The following R3HCC1L variants were observed in gnomAD, a reference collection of about 807,000 sequenced individuals.
The protein encoded by R3HCC1L is coiled-coil domain-containing protein R3HCC1L.
R3HCC1L carries 51 observed loss-of-function variants against 59.9 expected under a neutral mutation model. That is an observed-to-expected ratio of 0.85 (90% CI 0.68 to 1.07). The LOEUF is 1.07. Among genes scored for constraint, R3HCC1L ranks in the 50% least tolerant of loss-of-function variants. R3HCC1L has a pLI of 0.00. For missense variants in R3HCC1L, 965 were observed against 933.0 expected, an observed-to-expected ratio of 1.03 and a Z score of -0.45; for synonymous variants, 322 against 315.2, an observed-to-expected ratio of 1.02 and a Z score of -0.23.
intron 4 of R3HCC1L, among the ~76,000 whole-genome samples, chr10:98,168,724 C>T (rs1340168817): frequency 6.6e-6 from 1 of 152,068 alleles, no homozygotes; most frequent in African/African-American, 2.4e-5. Context: ...CTGAAAATAC[C>T]ATCTGCAGTT....
rs761063877 is a variant in R3HCC1L at position 98,231,687 on chromosome 10, A to G, written c.1961A>G (p.Gln654Arg). The stretch of plus-strand genomic sequence containing the variant: ...CTTCTACGGGTTTTCTGCAGTTATC[A>G]GTGAGTATGCAAATGATTGTGGATG... ...EDLLRVFCSYQKKGFDIKWVD... is the reference protein window; with the variant it reads ...EDLLRVFCSYRKKGFDIKWVD... Residue 654 changes from glutamine to arginine, a missense_variant and splice_region_variant, in exon 6 of 10, where the codon CAA (glutamine) becomes CGA (arginine). By Grantham distance (43) the Gln-to-Arg change is conservative. Coordinates refer to ENST00000298999, the MANE Select transcript of R3HCC1L (RefSeq NM_001351015.2). 6.2e-7 allele frequency: 1 copy of G among 1,604,186 alleles called. No homozygotes were observed. Among genetic ancestry groups the G allele is most frequent in the South Asian group, 1.1e-5 (1 of 89,848 alleles).
chr10:98,222,729 A>G (rs1317624714), intron 5 of R3HCC1L, among the ~76,000 whole-genome samples: 1 of 152,164 alleles, frequency 6.6e-6, no homozygotes, highest in Non-Finnish European at 1.5e-5. Context: ...AAAACCCTTC[A>G]AAAAATTAAT....
At chr10:98,241,481 C>T (rs1215470400) in intron 9 of R3HCC1L, among the ~76,000 whole-genome samples, 1 of 152,078 alleles carries the variant, frequency 6.6e-6, no homozygotes, top group Admixed American at 6.6e-5. Flanking sequence ...GTTTTCAGGG[C>T]CAGCCAATGT....
At chr10:98,167,192 G>A (rs946522363) in intron 4 of R3HCC1L, among the ~76,000 whole-genome samples, 1 of 151,988 alleles carries the variant, frequency 6.6e-6, no homozygotes, top group Non-Finnish European at 1.5e-5. Context: ...CTGTAGCCCT[G>A]TGTACAGGCA....
chr10:98,211,009 G>T (rs1362339762), intron 5 of R3HCC1L, among the ~76,000 whole-genome samples: 2 of 152,144 alleles, frequency 1.3e-5, no homozygotes, highest in Non-Finnish European at 2.9e-5. Flanking sequence ...TGCACAGAAA[G>T]AATTTCCCTG....
chr10:98,189,127 T>G (rs1199152572), intron 4 of R3HCC1L, among the ~76,000 whole-genome samples: 1 of 152,190 alleles, frequency 6.6e-6, no homozygotes, highest in Non-Finnish European at 1.5e-5. Context: ...ACTTTGTATG[T>G]AATTTGGACA....
rs1157641569 is a variant in R3HCC1L at position 98,134,664 on chromosome 10, G to C, written c.-310G>C. The stretch of plus-strand genomic sequence containing the variant: ...CCCAGCGGCGCGAGCGGAAGAGATA[G>C]AGCTTCGCGGAGACGGCGGAAGCGG... On this transcript the variant is annotated 5_prime_UTR_variant, in exon 1 of 10. Transcript: ENST00000298999. 6.6e-6 allele frequency: 1 copy of C among 152,316 alleles called. No individual in the cohort carries two copies. The highest frequency in any genetic ancestry group is 2.4e-5 in the African/African-American group (1 of 41,466). 9.4% of individuals were successfully genotyped at this position (152,316 alleles called of 1,614,324 possible).
chr10:98,155,174 T>C (rs1393321629), intron 1 of R3HCC1L, among the ~76,000 whole-genome samples: 1 of 152,224 alleles, frequency 6.6e-6, no homozygotes, highest in Admixed American at 6.5e-5. Flanking sequence ...CCTTTTATAT[T>C]ACTACTCTGT....
chr10:98,180,535 G>A (rs929987453), intron 4 of R3HCC1L, among the ~76,000 whole-genome samples: 23 of 152,126 alleles, frequency 1.5e-4, no homozygotes, highest in Non-Finnish European at 2.2e-4. Context: ...TGTATATTCC[G>A]TTGATTGATT....
At chr10:98,164,033 A>T (rs1014709410) in intron 4 of R3HCC1L, among the ~76,000 whole-genome samples, 13 of 152,122 alleles carry the variant, frequency 8.5e-5, no homozygotes, top group African/African-American at 3.1e-4. Flanking sequence ...TTTTGAGTAT[A>T]TTCCAGCTTC....
At chr10:98,168,483 C>T (rs922827204) in intron 4 of R3HCC1L, among the ~76,000 whole-genome samples, 3 of 152,142 alleles carry the variant, frequency 2.0e-5, no homozygotes, top group Non-Finnish European at 4.4e-5. Context: ...AAGACCTTTT[C>T]ATGCCAGTTT....
intron 1 of R3HCC1L, among the ~76,000 whole-genome samples, chr10:98,136,621 A>G (rs1279953860): frequency 6.6e-6 from 1 of 152,140 alleles, no homozygotes; most frequent in Non-Finnish European, 1.5e-5. Flanking sequence ...AGATTGCCTG[A>G]GCTCAGGAGT....
intron 5 of R3HCC1L, among the ~76,000 whole-genome samples, chr10:98,220,424 G>A (rs536328054): frequency 1.7e-5 from 2 of 118,826 alleles, no homozygotes; most frequent in South Asian, 5.5e-4. Context: ...TAGGGTACAT[G>A]TGCACATTGT....
chr10:98,171,241 C>T (rs935109371), intron 4 of R3HCC1L, among the ~76,000 whole-genome samples: 7 of 152,212 alleles, frequency 4.6e-5, no homozygotes, highest in African/African-American at 1.7e-4. Flanking sequence ...ATTTTGAATT[C>T]TCAGTATCTT....
chr10:98,157,781 A>G (rs1461475438), intron 2 of R3HCC1L, among the ~76,000 whole-genome samples: 1 of 152,252 alleles, frequency 6.6e-6, no homozygotes, highest in African/African-American at 2.4e-5. Flanking sequence ...AAGCAAAATT[A>G]TATGTGTAGG....
At chr10:98,242,458 T>C (rs1857638424) in intron 9 of R3HCC1L, among the ~76,000 whole-genome samples, 1 of 152,196 alleles carries the variant, frequency 6.6e-6, no homozygotes, top group Admixed American at 6.5e-5. Context: ...GCAGAGTGTG[T>C]GACTGTTCAC....
At chr10:98,134,921 A>T (rs886321934) in intron 1 of R3HCC1L, among the ~76,000 whole-genome samples, 2 of 151,500 alleles carry the variant, frequency 1.3e-5, no homozygotes, top group African/African-American at 4.9e-5. Flanking sequence ...GTTGAGAGGG[A>T]CCCTCCCGGG....
chr10:98,235,297 T>C, intron 7 of R3HCC1L, 128 bp from the exon 8 acceptor site: 2 of 764,524 alleles, frequency 2.6e-6, no homozygotes, highest in Non-Finnish European at 4.3e-6. Flanking sequence ...CGTTGATCTT[T>C]AGATCTGTCT....
At chr10:98,176,166 G>A (rs1291385738) in intron 4 of R3HCC1L, among the ~76,000 whole-genome samples, 2 of 152,054 alleles carry the variant, frequency 1.3e-5, no homozygotes, top group African/African-American at 4.8e-5. Flanking sequence ...ACACTTACCT[G>A]AGATTATTGT....
Sources: gnomAD v4.1 joint callset for allele counts (sites outside exome capture counted in the v4.1 genomes callset) on GRCh38, gnomAD v4.1.1 for gene constraint, MANE v1.5 for transcripts, NCBI Gene and HGNC (gene_info 2026-07-23, HGNC 2026-07-21) for gene names.